RPS6KA3: variants seen among roughly 807,000 people sequenced by gnomAD.
RPS6KA3 encodes ribosomal protein S6 kinase alpha-3.
Under a neutral mutation model 67.2 loss-of-function variants are expected in RPS6KA3, and 4 were observed. The ratio of observed to expected loss-of-function variants is 0.06; its 90% CI spans 0.03 to 0.14. The LOEUF is 0.14. RPS6KA3 is among the 10% of genes least tolerant of loss of function. The pLI, the probability that RPS6KA3 is intolerant of heterozygous loss-of-function variation, is 1.00. For synonymous variants in RPS6KA3, 182 were observed against 183.7 expected (o/e 0.99, Z 0.07); for missense variants, 204 against 559.0 (o/e 0.36, Z 6.40).
chrX:20,234,741 T>C lies in RPS6KA3; in HGVS notation c.126+17A>G. On this transcript the variant is annotated intron_variant, in intron 2 of 21. Coordinates refer to ENST00000379565, the MANE Select transcript of RPS6KA3 (RefSeq NM_004586.3). ...TTTCATTTATCTATACCCTTTGTGATAAAATATTTTACTTACAGTTTGTGG... is the reference window on the plus strand; with the variant it reads ...TTTCATTTATCTATACCCTTTGTGACAAAATATTTTACTTACAGTTTGTGG... The C allele has an allele frequency of 9.3e-7, 1 of 1,078,656 alleles. No individual in the cohort carries two copies. Among genetic ancestry groups the C allele is most frequent in the Non-Finnish European group, 1.3e-6 (1 of 774,052 alleles). The allele number at this position is 1,078,656 out of a possible 1,213,427, so 88.9% of individuals were successfully genotyped here. A position where few individuals can be genotyped will look rare whatever the true frequency, so the allele number is the denominator to read the frequency against.
At chrX:20,261,721 T>C (rs2070236496) in intron 1 of RPS6KA3, among the ~76,000 whole-genome samples, 1 of 112,101 alleles carries the variant, frequency 8.9e-6, no homozygotes, top group African/African-American at 3.2e-5. Context: ...AACTTAATGA[T>C]TAAATATGGT....
chrX:20,208,400 A>G (rs2068624932), intron 3 of RPS6KA3, among the ~76,000 whole-genome samples: 1 of 111,198 alleles, frequency 9.0e-6, no homozygotes, highest in African/African-American at 3.3e-5. Context: ...GACAAGCGCT[A>G]CATGAAAAAC....
intron 16 of RPS6KA3, among the ~76,000 whole-genome samples, chrX:20,168,209 C>A (rs1205986914): frequency 8.9e-6 from 1 of 111,928 alleles, no homozygotes; most frequent in East Asian, 2.8e-4. Context: ...TCAAGAGAGA[C>A]ATAGGCAACA....
chrX:20,256,915 G>C (rs1248093634), intron 1 of RPS6KA3, among the ~76,000 whole-genome samples: 13 of 111,563 alleles, frequency 1.2e-4, no homozygotes, highest in Non-Finnish European at 2.4e-4. Context: ...AAACTACCTG[G>C]AACCTTTTTC....
chrX:20,206,092 T>C (rs1014134011), intron 3 of RPS6KA3, among the ~76,000 whole-genome samples: 2 of 111,823 alleles, frequency 1.8e-5, no homozygotes, highest in African/African-American at 3.3e-5. Flanking sequence ...CTGTTCCCTT[T>C]GGCCAGTAAC....
chrX:20,248,298 T>C (rs979026758), intron 1 of RPS6KA3, among the ~76,000 whole-genome samples: 2 of 112,094 alleles, frequency 1.8e-5, no homozygotes, highest in Non-Finnish European at 3.8e-5. Flanking sequence ...GAAGGTAAAA[T>C]AGAAGTGAAA....
chrX:20,173,929 T>TA (rs1185734289), intron 14 of RPS6KA3, among the ~76,000 whole-genome samples: 1 of 112,689 alleles, frequency 8.9e-6, no homozygotes, highest in Non-Finnish European at 1.9e-5. Context: ...AAAGATGACT[T>TA]AAGATTTGAG....
In RPS6KA3 at chrX:20,152,498, C is replaced by G. The variant is rs965706808; in HGVS notation, c.*2900G>C. ...CTTTCACAATGAAATATCTTTAAGACTGGACTGATACCTTTTGGGAGAAGC... is the reference window on the plus strand; with the variant it reads ...CTTTCACAATGAAATATCTTTAAGAGTGGACTGATACCTTTTGGGAGAAGC... On this transcript the variant is annotated 3_prime_UTR_variant, in exon 22 of 22. Transcript: ENST00000379565. 8.0e-5 allele frequency: 9 copies of G among 111,924 alleles called. No individual in the cohort carries two copies. Among genetic ancestry groups the G allele is most frequent in the African/African-American group, 2.9e-4 (9 of 30,789 alleles). 9.2% of individuals were successfully genotyped at this position (111,924 alleles called of 1,213,427 possible). A position where few individuals can be genotyped will look rare whatever the true frequency, so the allele number is the denominator to read the frequency against.
chrX:20,167,383 C>T (rs1247228698), intron 17 of RPS6KA3, among the ~76,000 whole-genome samples: 1 of 111,605 alleles, frequency 9.0e-6, no homozygotes, highest in Non-Finnish European at 1.9e-5. Context: ...CTTGGAAGCA[C>T]AAGAGTTTAA....
chrX:20,167,097 T>G (rs1209817035), intron 17 of RPS6KA3, among the ~76,000 whole-genome samples: 3 of 111,889 alleles, frequency 2.7e-5, no homozygotes, highest in Non-Finnish European at 5.6e-5. Context: ...AATGCTGGGA[T>G]TACAGGCATA....
chrX:20,181,446 T>C (rs1009306559), intron 10 of RPS6KA3, among the ~76,000 whole-genome samples: 5 of 110,812 alleles, frequency 4.5e-5, no homozygotes, highest in African/African-American at 1.6e-4. Context: ...CCATCTAATA[T>C]GGCTCCTGCT....
chrX:20,178,802 T>C (rs1333833766), intron 10 of RPS6KA3, among the ~76,000 whole-genome samples: 1 of 109,665 alleles, frequency 9.1e-6, no homozygotes, highest in Non-Finnish European at 1.9e-5. Context: ...GCACCTCTTT[T>C]TCAAAGAATA....
At chrX:20,162,063 C>T (rs773942004) in intron 19 of RPS6KA3, among the ~76,000 whole-genome samples, 1 of 109,791 alleles carries the variant, frequency 9.1e-6, no homozygotes, top group East Asian at 2.8e-4. Flanking sequence ...GTAGGCCAGG[C>T]ACGGTGGCTC....
chrX:20,218,640 G>A (rs2068915787), intron 2 of RPS6KA3, among the ~76,000 whole-genome samples: 3 of 112,133 alleles, frequency 2.7e-5, no homozygotes, highest in African/African-American at 9.7e-5. Context: ...CTGGCTTTTA[G>A]TAAACAGAGC....
At chrX:20,243,695 T>G (rs1285522068) in intron 1 of RPS6KA3, among the ~76,000 whole-genome samples, 1 of 109,751 alleles carries the variant, frequency 9.1e-6, no homozygotes. Context: ...GGTTTCACCA[T>G]GTTGGTCAGG....
In RPS6KA3 at chrX:20,184,397, CT is replaced by C. The variant is rs1176222205; in HGVS notation, c.845+1898del. ...TACGTATGTGGTTCGCATTACTTTT[CT>C]TTTTTTTTTTTTTTTTTTGAGACAG... On this transcript the variant is annotated intron_variant, in intron 10 of 21. Coordinates refer to ENST00000379565, the MANE Select transcript of RPS6KA3 (RefSeq NM_004586.3). Among the ~76,000 whole-genome samples, 477 of 86,435 alleles carry C rather than the reference CT, an allele frequency of 5.5e-3. 1 individual carries two copies. The highest frequency in any genetic ancestry group is 0.01 in the African/African-American group (247 of 24,303). 75.1% of individuals were successfully genotyped at this position (86,435 alleles called of 115,157 possible).
At chrX:20,183,339 C>G (rs1210412442) in intron 10 of RPS6KA3, among the ~76,000 whole-genome samples, 1 of 110,398 alleles carries the variant, frequency 9.1e-6, no homozygotes, top group Non-Finnish European at 1.9e-5. Flanking sequence ...TCCCAAGTAG[C>G]TAGGACTACA....
At chrX:20,204,423 A>T (rs1414799324) in intron 3 of RPS6KA3, among the ~76,000 whole-genome samples, 1 of 112,412 alleles carries the variant, frequency 8.9e-6, no homozygotes, top group Non-Finnish European at 1.9e-5. Context: ...TGTTTAAAGT[A>T]TAACACAGGT....
chrX:20,229,641 TTAG>T (rs1479484420), intron 2 of RPS6KA3, among the ~76,000 whole-genome samples: 1 of 112,599 alleles, frequency 8.9e-6, no homozygotes, highest in Non-Finnish European at 1.9e-5. Context: ...ATGTAAATTA[TTAG>T]TAGTTGACAA....
Sources: gnomAD v4.1 joint callset for allele counts (sites outside exome capture counted in the v4.1 genomes callset) on GRCh38, gnomAD v4.1.1 for gene constraint, MANE v1.5 for transcripts, NCBI Gene and HGNC (gene_info 2026-07-23, HGNC 2026-07-21) for gene names.